Variants in RASGRP3 observed in about 807,000 individuals in gnomAD.
The protein encoded by RASGRP3 is ras guanyl-releasing protein 3.
Under a neutral mutation model 82.7 loss-of-function variants are expected in RASGRP3, and 54 were observed. The observed-to-expected ratio is 0.65, with a 90% CI of 0.52 to 0.82. The LOEUF is 0.82. Ranked by LOEUF, RASGRP3 falls within the 40% of genes least tolerant of loss-of-function variation. The pLI is 0.00. For synonymous variants in RASGRP3, 309 were observed against 300.5 expected, an observed-to-expected ratio of 1.03 and a Z score of -0.29; for missense variants, 861 against 828.9, an observed-to-expected ratio of 1.04 and a Z score of -0.48.
chr2:33,562,330 C>T (rs540318982), intron 17 of RASGRP3, among the ~76,000 whole-genome samples: 1 of 147,990 alleles, frequency 6.8e-6, no homozygotes, highest in African/African-American at 2.5e-5. Flanking sequence ...TGCAGTGGTA[C>T]AGTCATAGCT....
Position 33,549,753 on chromosome 2 carries a change from T to C in RASGRP3, c.1542+2T>C, listed in dbSNP as rs1675193133. 6.2e-7 allele frequency: 1 copy of C among 1,611,906 alleles called. No homozygotes were observed. Among genetic ancestry groups the C allele is most frequent in the Non-Finnish European group, 8.5e-7 (1 of 1,179,216 alleles). ...TTCTGCGAACACTGTGCGGGATTTGTAAGTCTGTTTTCCGTTGTTTTCTTA... is the reference window on the plus strand; with the variant it reads ...TTCTGCGAACACTGTGCGGGATTTGCAAGTCTGTTTTCCGTTGTTTTCTTA... On this transcript the variant is annotated splice_donor_variant, in intron 14 of 17. Transcript: ENST00000403687. LOFTEE classifies it high-confidence loss of function.
intron 1 of RASGRP3, among the ~76,000 whole-genome samples, chr2:33,504,609 C>G (rs1424680681): frequency 6.6e-6 from 1 of 152,184 alleles, no homozygotes; most frequent in Non-Finnish European, 1.5e-5. Flanking sequence ...TTCTTGTTTT[C>G]AAATCCTTTC....
At chr2:33,456,349 T>C (rs1666034806) in intron 2 of RASGRP3, among the ~76,000 whole-genome samples, 1 of 133,088 alleles carries the variant, frequency 7.5e-6, no homozygotes, top group Admixed American at 7.3e-5. Context: ...AATTTTCGAT[T>C]TATCATTCTT....
At chr2:33,479,085 C>A (rs1199589979) in intron 1 of RASGRP3, among the ~76,000 whole-genome samples, 2 of 152,168 alleles carry the variant, frequency 1.3e-5, no homozygotes, top group Non-Finnish European at 2.9e-5. Flanking sequence ...GAATCCCACA[C>A]ATTTAAATGT....
At chr2:33,479,153 T>C (rs1667647883) in intron 1 of RASGRP3, among the ~76,000 whole-genome samples, 1 of 152,148 alleles carries the variant, frequency 6.6e-6, no homozygotes, top group South Asian at 2.1e-4. Flanking sequence ...ACACACACAA[T>C]GTGTGTTATG....
intron 1 of RASGRP3, among the ~76,000 whole-genome samples, chr2:33,485,158 A>C (rs147867044): frequency 6.6e-6 from 1 of 152,228 alleles, no homozygotes; most frequent in Non-Finnish European, 1.5e-5. Flanking sequence ...AGATTGCGCC[A>C]TTGCACTCCA....
At chr2:33,512,655 G>A (rs1671040103) in intron 2 of RASGRP3, among the ~76,000 whole-genome samples, 1 of 152,172 alleles carries the variant, frequency 6.6e-6, no homozygotes, top group African/African-American at 2.4e-5. Context: ...TCTTAAAAAT[G>A]TATGGTATCT....
upstream of RASGRP3, among the ~76,000 whole-genome samples, chr2:33,475,406 G>C (rs977312141): frequency 2.0e-5 from 3 of 152,138 alleles, no homozygotes; most frequent in African/African-American, 7.2e-5. Flanking sequence ...ATGAGACAAA[G>C]CCTAAATATA....
At chr2:33,518,738 C>T (rs2124439) in intron 4 of RASGRP3, among the ~76,000 whole-genome samples, 122,498 of 152,000 alleles carry the variant, frequency 0.81, 49,493 homozygotes, top group African/African-American at 0.86. Flanking sequence ...AAACTTTTTT[C>T]GTTAAAAGCA....
At chr2:33,515,309 C>A in intron 3 of RASGRP3, 103 bp downstream of exon 3, 1 of 1,278,308 alleles carries the variant, frequency 7.8e-7, no homozygotes, top group Non-Finnish European at 1.1e-6. Flanking sequence ...GTCTCTGTAC[C>A]TTGGTATTTA....
chr2:33,528,000 T>A lies in RASGRP3; in HGVS notation c.1083+588T>A, dbSNP rs1672747599. 3.9e-5 allele frequency among the ~76,000 whole-genome samples: 6 copies of A among 152,184 alleles called. No homozygotes were observed. In the South Asian group the frequency reaches 1.2e-3, roughly 32 times the overall value. On this transcript the variant is annotated intron_variant, in intron 10 of 17. Transcript: ENST00000403687. ...ATACTTTCCACCCCATGAAATGCTGTCTTCTGCTTCCTGGCCTTTGGACTT... is the reference window on the plus strand; with the variant it reads ...ATACTTTCCACCCCATGAAATGCTGACTTCTGCTTCCTGGCCTTTGGACTT...
At chr2:33,495,331 G>A (rs764754440) in intron 1 of RASGRP3, among the ~76,000 whole-genome samples, 1 of 152,198 alleles carries the variant, frequency 6.6e-6, no homozygotes, top group African/African-American at 2.4e-5. Flanking sequence ...GCAGTAATTC[G>A]ATTTTCATAA....
At chr2:33,479,735 T>C (rs1667725229) in intron 1 of RASGRP3, among the ~76,000 whole-genome samples, 1 of 152,140 alleles carries the variant, frequency 6.6e-6, no homozygotes, top group African/African-American at 2.4e-5. Context: ...GCCATAAACC[T>C]GTGGATTTTC....
intron 15 of RASGRP3, among the ~76,000 whole-genome samples, chr2:33,556,190 G>GGAC (rs1675928117): frequency 6.8e-6 from 1 of 148,064 alleles, no homozygotes; most frequent in Admixed American, 6.8e-5. Flanking sequence ...AGAAGTTGCT[G>GGAC]GACACTTTAT....
intron 2 of RASGRP3, among the ~76,000 whole-genome samples, chr2:33,459,876 A>G (rs1213981656): frequency 6.6e-6 from 1 of 152,196 alleles, no homozygotes; most frequent in Non-Finnish European, 1.5e-5. Flanking sequence ...AGTTCTCTCC[A>G]GTTCTCTCTA....
intron 13 of RASGRP3, among the ~76,000 whole-genome samples, chr2:33,547,093 A>G (rs573339411): frequency 4.6e-4 from 69 of 150,244 alleles, no homozygotes; most frequent in African/African-American, 1.6e-3. Flanking sequence ...GAATGAGATC[A>G]TGTGTTTTGC....
intron 1 of RASGRP3, among the ~76,000 whole-genome samples, chr2:33,486,990 ATAAT>A (rs777561471): frequency 3.7e-4 from 57 of 152,200 alleles, no homozygotes; most frequent in Non-Finnish European, 2.1e-4. Context: ...AAAATAAATG[ATAAT>A]TAACCCCCAT....
In RASGRP3 at chr2:33,527,402, A is replaced by T. The variant is rs774383856; in HGVS notation, c.1073A>T (p.Asn358Ile). The change falls in exon 10 of 18, where the codon AAC becomes ATC. Residue 358 changes from asparagine to isoleucine, a missense_variant. Physicochemically the swap from Asn to Ile is moderately radical, Grantham distance 149. Coordinates refer to ENST00000403687, the MANE Select transcript of RASGRP3 (RefSeq NM_001139488.2). ...HHLEPNMDLI[N>I]LLTLSLDLYH... ...TTAGAACCCAACATGGATTTGATCA[A>T]CCTGCTCACGGTGAGTTCCAAGGAG... 1.9e-6 allele frequency: 3 copies of T among 1,612,610 alleles called. No homozygotes were observed. The highest frequency in any genetic ancestry group is 2.7e-5 in the African/African-American group (2 of 74,890).
chr2:33,496,429 A>G (rs1531124), intron 1 of RASGRP3, among the ~76,000 whole-genome samples: 20,888 of 152,290 alleles, frequency 0.14, 1,768 homozygotes, highest in Non-Finnish European at 0.17. Context: ...TATGGCATCT[A>G]TAGTCATCTT....
Sources: allele counts gnomAD v4.1 joint callset (sites outside exome capture counted in the v4.1 genomes callset), GRCh38; gene constraint gnomAD v4.1.1; transcripts MANE v1.5; gene names NCBI Gene and HGNC (gene_info 2026-07-23, HGNC 2026-07-21).